The following IDS variants were observed in gnomAD, a reference collection of about 807,000 sequenced individuals.
The protein encoded by IDS is iduronate 2-sulfatase.
Under a neutral mutation model 33.5 loss-of-function variants are expected in IDS, and 1 was observed. That is an observed-to-expected ratio of 0.03 (90% confidence interval 0.01 to 0.14). The LOEUF (loss-of-function observed/expected upper bound fraction) is 0.14. IDS is among the 10% of genes least tolerant of loss of function. The probability of loss-of-function intolerance (pLI) is 1.00; values close to 1 mark genes in which losing one functional copy is unlikely to be tolerated. For synonymous variants in IDS, 191 were observed against 184.4 expected, an observed-to-expected ratio of 1.04 and a Z score of -0.29; for missense variants, 328 against 448.0, an observed-to-expected ratio of 0.73 and a Z score of 2.42.
intron 1 of IDS, 57 bp downstream of exon 1, chrX:149,504,978 G>C: frequency 1.2e-6 from 1 of 862,597 alleles, no homozygotes; most frequent in Non-Finnish European, 1.7e-6. Context: ...AAGAAGGAAG[G>C]AGGAAGGAAG....
At chrX:149,490,468 G>C (rs782758769) in intron 6 of IDS, 28 bp from the exon 7 acceptor site, 1 of 1,204,577 alleles carries the variant, frequency 8.3e-7, no homozygotes, top group South Asian at 1.8e-5. Flanking sequence ...ATAAAAATGA[G>C]AGTGACTGCA....
intron 7 of IDS, among the ~76,000 whole-genome samples, chrX:149,487,521 C>T (rs1285300297): frequency 8.9e-6 from 1 of 111,797 alleles, no homozygotes; most frequent in African/African-American, 3.3e-5. Context: ...TTGACTCATG[C>T]CCTACGAGGT....
Position 149,490,355 on chromosome X carries a change from T to G in IDS, c.965A>C (p.Gln322Pro). The G allele has an allele frequency of 8.3e-7, 1 of 1,210,808 alleles. No individual in the cohort carries two copies. Among genetic ancestry groups the G allele is most frequent in the Non-Finnish European group, 1.1e-6 (1 of 894,471 alleles). ...TGCAATGATGGTGCTGTTGGCCAGC[T>G]GAAGATCGTCCAAAGCACTCAAGAG... ...GRLLSALDDL[Q>P]LANSTIIAFT... Residue 322 changes from glutamine to proline, a missense_variant, in exon 7 of 9, where the codon CAG becomes CCG. Gln to Pro is a moderately conservative substitution (Grantham distance 76). This residue lies in a region of IDS where 265 missense variants were observed against 339.2 expected (regional missense o/e 0.78). Transcript: ENST00000340855.
intron 6 of IDS, among the ~76,000 whole-genome samples, chrX:149,494,408 G>A (rs1206095702): frequency 8.9e-6 from 1 of 111,940 alleles, no homozygotes; most frequent in Non-Finnish European, 1.9e-5. Flanking sequence ...TCAGTATGGT[G>A]ACTCGGAAGG....
intron 3 of IDS, among the ~76,000 whole-genome samples, chrX:149,501,786 C>A (rs1433072681): frequency 2.7e-5 from 3 of 111,177 alleles, no homozygotes; most frequent in African/African-American, 9.9e-5. Context: ...AGCAGTCACA[C>A]AGTGGGACTC....
intron 4 of IDS, among the ~76,000 whole-genome samples, chrX:149,500,733 CA>C (rs2089472880): frequency 1.8e-5 from 2 of 112,084 alleles, no homozygotes; most frequent in Admixed American, 1.9e-4. Flanking sequence ...GGTTTTAGAA[CA>C]AGTAGCACCC....
intron 8 of IDS, among the ~76,000 whole-genome samples, chrX:149,484,453 C>G (rs781825681): frequency 1.3e-4 from 15 of 112,285 alleles, no homozygotes; most frequent in Non-Finnish European, 2.4e-4. Context: ...TCCTGAGTAG[C>G]TGGGATTACA....
At chrX:149,487,151 G>C (rs879949874) in intron 7 of IDS, 53 bp from the exon 8 acceptor site, 1 of 1,207,952 alleles carries the variant, frequency 8.3e-7, no homozygotes, top group African/African-American at 1.8e-5. Context: ...TCATACCACA[G>C]CTTGTTTATT....
chrX:149,492,571 A>AT (rs1311863124), intron 6 of IDS, among the ~76,000 whole-genome samples: 15 of 110,982 alleles, frequency 1.4e-4, no homozygotes, highest in Non-Finnish European at 2.1e-4. Flanking sequence ...TGGTGGGTCT[A>AT]TCCAGGGAGT....
At position 149,505,049 on chromosome X, in the gene IDS, G is replaced by A. The variant is rs2089514573; in HGVS notation, c.89C>T (p.Ala30Val). ...GTGGGCGGCACCTGTGGTCGAGTTGGCCTGCGTTTCGGATCCGAGGGCGAC... is the reference window on the plus strand; with the variant it reads ...GTGGGCGGCACCTGTGGTCGAGTTGACCTGCGTTTCGGATCCGAGGGCGAC... ...VCVALGSETQ[A>V]NSTTDALNVL... Residue 30 changes from alanine to valine, a missense_variant, in exon 1 of 9, where the codon GCC becomes GTC. Physicochemically the swap from Ala to Val is moderately conservative, Grantham distance 64. Around this residue, in one of 4 missense-constraint regions of IDS, gnomAD observed 45 missense variants for 33.6 expected, o/e 1.34. Transcript: ENST00000340855. 1 of 1,205,477 alleles carries A rather than the reference G, an allele frequency of 8.3e-7. No individual in the cohort carries two copies. Among genetic ancestry groups the A allele is most frequent in the Non-Finnish European group, 1.1e-6 (1 of 891,451 alleles).
intron 7 of IDS, 35 bp downstream of exon 7, chrX:149,490,279 T>G: frequency 3.3e-6 from 4 of 1,200,445 alleles, no homozygotes; most frequent in South Asian, 3.5e-5. Context: ...AAAGTTCAGA[T>G]GTTTTGACTC....
At chrX:149,504,884 G>T in intron 1 of IDS, 151 bp downstream of exon 1, 1 of 439,756 alleles carries the variant, frequency 2.3e-6, no homozygotes. Context: ...GAAAAATGGA[G>T]GGAGGGAACG....
At chrX:149,485,653 G>C (rs1202597148) in intron 8 of IDS, among the ~76,000 whole-genome samples, 2 of 111,963 alleles carry the variant, frequency 1.8e-5, no homozygotes, top group Non-Finnish European at 3.8e-5. Context: ...GACACAGCTA[G>C]AGATAAAATT....
At chrX:149,486,287 A>C (rs1188933664) in intron 8 of IDS, among the ~76,000 whole-genome samples, 1 of 111,815 alleles carries the variant, frequency 8.9e-6, no homozygotes, top group Non-Finnish European at 1.9e-5. Flanking sequence ...CTTGTGACGA[A>C]TGGTTGAAGG....
intron 1 of IDS, 127 bp from the exon 2 acceptor site, chrX:149,504,420 G>C: frequency 1.4e-6 from 1 of 734,160 alleles, no homozygotes; most frequent in Admixed American, 2.8e-5. Flanking sequence ...GCCAGGGAGG[G>C]CGCTGTGCCT....
chrX:149,487,052 A>G lies in IDS; in HGVS notation c.1053T>C (p.Phe351=), dbSNP rs2124006183. 2 of 1,211,671 alleles carry G rather than the reference A, an allele frequency of 1.7e-6. No homozygotes were observed. The highest frequency in any genetic ancestry group is 2.3e-4 in the Middle Eastern group (1 of 4,349). The change falls in exon 8 of 9, where the codon TTT becomes TTC. Residue 351 remains phenylalanine (F), a synonymous_variant. Transcript: ENST00000340855. ...TCAGGGGAACATGGGTAGCAACATC[A>G]AAATTGCTGTATTTGGCCCATTCTC... ...EHGEWAKYSN[F]DVATHVPLIF...
At chrX:149,493,231 C>A (rs1215823548) in intron 6 of IDS, among the ~76,000 whole-genome samples, 2 of 112,072 alleles carry the variant, frequency 1.8e-5, no homozygotes, top group African/African-American at 6.5e-5. Flanking sequence ...GGAAGTGGCA[C>A]CTAAGTGGCA....
intron 5 of IDS, among the ~76,000 whole-genome samples, 182 bp from the exon 6 acceptor site, chrX:149,496,698 G>C (rs1458754200): frequency 8.9e-6 from 1 of 112,242 alleles, no homozygotes; most frequent in African/African-American, 3.2e-5. Context: ...ACTCTCATGA[G>C]ATGCCAATGG....
intron 3 of IDS, chrX:149,502,618 T>C (rs1557340112): frequency 1.6e-5 from 2 of 127,029 alleles, no homozygotes; most frequent in Non-Finnish European, 3.2e-5. Flanking sequence ...ATAAGCATTA[T>C]TGTCCCTATG....
Sources: gnomAD v4.1 joint callset for allele counts (sites outside exome capture counted in the v4.1 genomes callset) on GRCh38, gnomAD v4.1.1 for gene constraint, gnomAD v4.1.1 regional missense constraint, MANE v1.5 for transcripts, NCBI Gene and HGNC (gene_info 2026-07-23, HGNC 2026-07-21) for gene names.